Variants in DNAI7 observed in about 807,000 individuals in gnomAD.
DNAI7 encodes dynein axonemal intermediate chain 7, also known as cancer susceptibility 1.
Under a neutral mutation model 86.6 loss-of-function variants are expected in DNAI7, and 78 were observed. That is an observed-to-expected ratio of 0.90 (90% CI 0.75 to 1.09). The LOEUF is 1.09. Among genes scored for constraint, DNAI7 ranks in the 50% least tolerant of loss-of-function variants. DNAI7 has a pLI of 0.00. For missense variants in DNAI7, 753 were observed against 810.2 expected, an observed-to-expected ratio of 0.93 and a Z score of 0.86; for synonymous variants, 274 against 273.0, an observed-to-expected ratio of 1.00 and a Z score of -0.04.
intron 9 of DNAI7, among the ~76,000 whole-genome samples, chr12:25,133,390 T>C (rs1943163443): frequency 6.6e-6 from 1 of 152,234 alleles, no homozygotes; most frequent in African/African-American, 2.4e-5. Flanking sequence ...ATTGTCTTTA[T>C]AAATCTAGTG....
intron 2 of DNAI7, among the ~76,000 whole-genome samples, chr12:25,182,367 G>C (rs1055411630): frequency 7.7e-6 from 1 of 130,288 alleles, no homozygotes; most frequent in Non-Finnish European, 1.6e-5. Context: ...AAAAAAAAAA[G>C]ACACCTGTAC....
At chr12:25,186,875 T>A (rs1950087614) in intron 2 of DNAI7, among the ~76,000 whole-genome samples, 1 of 152,178 alleles carries the variant, frequency 6.6e-6, no homozygotes, top group South Asian at 2.1e-4. Context: ...TGTGTCCTTG[T>A]ATCCTTAGAA....
intron 4 of DNAI7, among the ~76,000 whole-genome samples, chr12:25,158,230 A>G (rs1946429925): frequency 6.6e-6 from 1 of 152,028 alleles, no homozygotes; most frequent in Admixed American, 6.6e-5. Context: ...CTCCATCTCA[A>G]GAAAAAAAAA....
intron 9 of DNAI7, among the ~76,000 whole-genome samples, chr12:25,127,870 T>C (rs1262649419): frequency 6.6e-6 from 1 of 152,200 alleles, no homozygotes; most frequent in African/African-American, 2.4e-5. Context: ...ATTTAGCATA[T>C]GGCATTTCAG....
intron 2 of DNAI7, among the ~76,000 whole-genome samples, chr12:25,182,975 A>G (rs112386933): frequency 0.5 from 64,234 of 127,454 alleles, 16,907 homozygotes; most frequent in African/African-American, 0.76. Context: ...GGAAGGGAGG[A>G]AGGGAAGGAG....
At chr12:25,160,320 C>T (rs1226878339) in intron 3 of DNAI7, among the ~76,000 whole-genome samples, 1 of 152,154 alleles carries the variant, frequency 6.6e-6, no homozygotes, top group African/African-American at 2.4e-5. Context: ...AATTTCTCTT[C>T]AAAGAATTAA....
intron 4 of DNAI7, 93 bp downstream of exon 4, chr12:25,158,379 T>G: frequency 2.1e-6 from 2 of 930,242 alleles, no homozygotes. Flanking sequence ...TAAATATTAC[T>G]GGTAGCTATG....
In DNAI7 at chr12:25,114,746, C is replaced by T. The variant is rs754676086; in HGVS notation, c.1521G>A (p.Pro507=). ...TLIQDAHINM[P]YQSWELRPLD... ...GTGGTCTTAGTTCCCATGACTGGTACGGCATGTTAATATGAGCATCTTGAA... is the reference window on the plus strand; with the variant it reads ...GTGGTCTTAGTTCCCATGACTGGTATGGCATGTTAATATGAGCATCTTGAA... Residue 507 remains proline, a synonymous_variant, in exon 13 of 16, where the codon CCG becomes CCA. Transcript: ENST00000395987. 16 of 1,613,292 alleles carry T rather than the reference C, an allele frequency of 9.9e-6. No homozygotes were observed. Among genetic ancestry groups the T allele is most frequent in the Non-Finnish European group, 1.2e-5 (14 of 1,179,446 alleles).
chr12:25,107,449 TAC>T (rs1343543255), downstream of DNAI7, among the ~76,000 whole-genome samples: 1 of 152,188 alleles, frequency 6.6e-6, no homozygotes, highest in Non-Finnish European at 1.5e-5. Flanking sequence ...GGGACTACTG[TAC>T]ACACACATAA....
intron 9 of DNAI7, among the ~76,000 whole-genome samples, chr12:25,123,887 T>C (rs1470649724): frequency 2.0e-5 from 3 of 152,146 alleles, no homozygotes; most frequent in African/African-American, 7.2e-5. Context: ...ATCAGACATA[T>C]AACACATCTT....
chr12:25,149,864 G>C (rs950542618), intron 6 of DNAI7, 90 bp from the exon 7 acceptor site: 2 of 718,510 alleles, frequency 2.8e-6, no homozygotes, highest in African/African-American at 3.6e-5. Flanking sequence ...TTGAATTGAG[G>C]AACACATCCT....
At chr12:25,174,625 G>GAATATATATAT in intron 2 of DNAI7, among the ~76,000 whole-genome samples, 1 of 81,168 alleles carries the variant, frequency 1.2e-5, no homozygotes, top group African/African-American at 5.7e-5. Flanking sequence ...CATATATATG[G>GAATATATATAT]GATATATATC....
chr12:25,135,201 G>A (rs993378666), intron 9 of DNAI7, among the ~76,000 whole-genome samples: 3 of 152,174 alleles, frequency 2.0e-5, no homozygotes, highest in African/African-American at 7.2e-5. Flanking sequence ...ATCCTCACTG[G>A]AGAACCTGAA....
chr12:25,188,622 CAA>C (rs1300599429), intron 2 of DNAI7, among the ~76,000 whole-genome samples: 1 of 148,154 alleles, frequency 6.7e-6, no homozygotes, highest in Non-Finnish European at 1.5e-5. Flanking sequence ...TGCAGTAAGC[CAA>C]GATTGTGCCA....
intron 2 of DNAI7, among the ~76,000 whole-genome samples, chr12:25,186,782 T>C (rs900782027): frequency 6.8e-6 from 1 of 146,400 alleles, no homozygotes; most frequent in South Asian, 2.2e-4. Flanking sequence ...AAAGGCAGGG[T>C]TTTTTTTTTA....
intron 3 of DNAI7, among the ~76,000 whole-genome samples, chr12:25,160,318 T>C (rs1289402007): frequency 6.6e-6 from 1 of 152,238 alleles, no homozygotes; most frequent in Non-Finnish European, 1.5e-5. Flanking sequence ...TAAATTTCTC[T>C]TCAAAGAATT....
Position 25,158,572 on chromosome 12 carries a change from C to A in DNAI7, c.107-9G>T, listed in dbSNP as rs1236616036. On this transcript the variant is annotated splice_polypyrimidine_tract_variant and intron_variant, in intron 3 of 15. Transcript: ENST00000395987. ...TTTCAAACGGGCTTCCTCTAAAGAA[C>A]CAAAAATAATTTTTTTCTCAGTGAA... 1 of 1,606,914 alleles carries A rather than the reference C, an allele frequency of 6.2e-7. No individual in the cohort carries two copies. The highest frequency in any genetic ancestry group is 1.3e-5 in the African/African-American group (1 of 74,674).
intron 9 of DNAI7, among the ~76,000 whole-genome samples, chr12:25,125,526 G>A (rs1942011014): frequency 6.6e-6 from 1 of 152,136 alleles, no homozygotes. Context: ...TTTGCCAGAT[G>A]CATAGTTTGC....
Position 25,185,080 on chromosome 12 carries a change from G to A in DNAI7, c.21+5534C>T, listed in dbSNP as rs116094492. ...TTGAGCCTGGGAGGTTGAGGCTACA[G>A]TTAGCTGTAATTACACCACTGTACT... On this transcript the variant is annotated intron_variant, in intron 2 of 15. Transcript: ENST00000395987. Among the ~76,000 whole-genome samples, 639 of 152,170 alleles carry A rather than the reference G, an allele frequency of 4.2e-3. 5 individuals are homozygous for A. Among genetic ancestry groups the A allele is most frequent in the African/African-American group, 0.015 (606 of 41,524 alleles).
Sources: allele counts gnomAD v4.1 joint callset (sites outside exome capture counted in the v4.1 genomes callset), GRCh38; gene constraint gnomAD v4.1.1; transcripts MANE v1.5; gene names NCBI Gene and HGNC (gene_info 2026-07-23, HGNC 2026-07-21).